Variants in LAMB1 observed in about 807,000 individuals in gnomAD.
LAMB1 encodes laminin subunit beta-1.
Under a neutral mutation model 222.3 loss-of-function variants are expected in LAMB1, and 121 were observed. The ratio of observed to expected loss-of-function variants is 0.54; its 90% CI spans 0.47 to 0.63. The LOEUF (loss-of-function observed/expected upper bound fraction) is 0.63, where lower values mean the gene tolerates loss of function less well. LAMB1 is among the 30% of genes least tolerant of loss of function. LAMB1 has a pLI of 0.00. For synonymous variants in LAMB1, 794 were observed against 807.2 expected, an observed-to-expected ratio of 0.98 and a Z score of 0.28; for missense variants, 2,172 against 2,240.8, an observed-to-expected ratio of 0.97 and a Z score of 0.62.
chr7:107,982,861 T>C (rs1156257070), intron 7 of LAMB1, among the ~76,000 whole-genome samples: 2 of 152,252 alleles, frequency 1.3e-5, no homozygotes, highest in Non-Finnish European at 2.9e-5. Context: ...CTAACATGCA[T>C]GCTTCCGTAA....
intron 31 of LAMB1, among the ~76,000 whole-genome samples, chr7:107,927,817 G>C (rs115190905): frequency 1.3e-3 from 201 of 152,316 alleles, no homozygotes; most frequent in African/African-American, 4.6e-3. Context: ...AAAATGGACA[G>C]AATTATTGGC....
Position 107,935,536 on chromosome 7 carries a change from A to G in LAMB1, c.4067T>C (p.Val1356Ala), listed in dbSNP as rs755210804. The change falls in exon 27 of 34, where the codon GTA becomes GCA. Residue 1356 changes from valine (V) to alanine (A), a missense_variant. Transcript: ENST00000222399. ...TTCTCGCTCCATCATCACGTCTTCTACTCTGTCTCTCATGAGGGCTGACTG... is the reference window on the plus strand; with the variant it reads ...TTCTCGCTCCATCATCACGTCTTCTGCTCTGTCTCTCATGAGGGCTGACTG... Reference protein sequence around the residue: ...VEQSALMRDRVEDVMMERESQ... With the variant: ...VEQSALMRDRAEDVMMERESQ... 8 of 1,613,064 alleles carry G rather than the reference A, an allele frequency of 5.0e-6. No individual in the cohort carries two copies. Among genetic ancestry groups the G allele is most frequent in the South Asian group, 1.1e-5 (1 of 91,036 alleles).
intron 24 of LAMB1, chr7:107,942,100 T>TTCTGCC (rs2033002621): frequency 6.6e-6 from 1 of 152,062 alleles, no homozygotes; most frequent in South Asian, 2.1e-4. Flanking sequence ...GTTCAAGCTA[T>TTCTGCC]TCTGCCTCTG....
chr7:108,002,676 G>T (rs2034414466), intron 2 of LAMB1, among the ~76,000 whole-genome samples, 173 bp downstream of exon 2: 1 of 152,210 alleles, frequency 6.6e-6, no homozygotes, highest in Non-Finnish European at 1.5e-5. Context: ...CGCGTGCGCT[G>T]TCTCCAGCCA....
chr7:107,972,376 G>C (rs1286576503), intron 13 of LAMB1, among the ~76,000 whole-genome samples: 2 of 152,148 alleles, frequency 1.3e-5, no homozygotes, highest in Non-Finnish European at 2.9e-5. Context: ...TACACTATCT[G>C]TTCCAGATGT....
chr7:107,957,386 A>G (rs1359746923), intron 20 of LAMB1, among the ~76,000 whole-genome samples: 1 of 152,094 alleles, frequency 6.6e-6, no homozygotes. Context: ...ATGAGACTCC[A>G]TCTCAAAACA....
At position 107,998,378 on chromosome 7, in the gene LAMB1, T is replaced by C; in HGVS notation, c.328A>G (p.Ile110Val). Residue 110 changes from isoleucine (I) to valine (V), a missense_variant, in exon 4 of 34, where the codon ATT becomes GTT. Transcript: ENST00000222399. ...VTTFAPNRLK[I>V]WWQSENGVEN... ...ATACCATTTTCAGATTGCCACCAAATCTTAAGGCGGTTTGGAGCAAATGTA... is the reference window on the plus strand; with the variant it reads ...ATACCATTTTCAGATTGCCACCAAACCTTAAGGCGGTTTGGAGCAAATGTA... 1.2e-6 allele frequency: 2 copies of C among 1,614,032 alleles called. No homozygotes were observed. The highest frequency in any genetic ancestry group is 1.7e-6 in the Non-Finnish European group (2 of 1,180,002).
At chr7:107,934,640 A>G (rs535919200) in intron 27 of LAMB1, among the ~76,000 whole-genome samples, 56 of 152,200 alleles carry the variant, frequency 3.7e-4, no homozygotes, top group Non-Finnish European at 6.5e-4. Flanking sequence ...ACTGGAACAA[A>G]GGAACATAAT....
intron 5 of LAMB1, among the ~76,000 whole-genome samples, chr7:107,988,339 G>A (rs2034118994): frequency 6.6e-6 from 1 of 152,120 alleles, no homozygotes; most frequent in Admixed American, 6.5e-5. Flanking sequence ...CAGACACTTG[G>A]AAAAAGTGGT....
At chr7:107,961,152 G>T in intron 17 of LAMB1, 54 bp downstream of exon 17, 1 of 1,610,100 alleles carries the variant, frequency 6.2e-7, no homozygotes, top group Admixed American at 1.7e-5. Context: ...GAGAGCAGCT[G>T]GGCACTTTCC....
At chr7:107,935,250 C>CAT (rs908178980) in intron 27 of LAMB1, 165 bp downstream of exon 27, 4 of 996,306 alleles carry the variant, frequency 4.0e-6, no homozygotes, top group Non-Finnish European at 5.8e-6. Context: ...ACAGATACCC[C>CAT]ATTCCAGGAT....
At chr7:107,981,081 G>A (rs2033963212) in intron 7 of LAMB1, among the ~76,000 whole-genome samples, 1 of 152,142 alleles carries the variant, frequency 6.6e-6, no homozygotes, top group Non-Finnish European at 1.5e-5. Flanking sequence ...GGAGGCCAAG[G>A]CAGGTGGATC....
At chr7:108,002,075 C>A in intron 2 of LAMB1, 6 of 1,469,408 alleles carry the variant, frequency 4.1e-6, no homozygotes, top group Non-Finnish European at 5.4e-6. Context: ...CCCTCCACTT[C>A]GACGTGTCCG....
At position 107,932,388 on chromosome 7, in the gene LAMB1, C is replaced by T; in HGVS notation, c.4189-11G>A. The T allele has an allele frequency of 1.2e-6, 2 of 1,613,920 alleles. No individual in the cohort carries two copies. Among genetic ancestry groups the T allele is most frequent in the Non-Finnish European group, 1.7e-6 (2 of 1,179,760 alleles). ...GGGTGTTCCACAGGTCTGCAACAAG[C>T]CAAGGATCAGGCACAATACTTCGGA... On this transcript the variant is annotated splice_polypyrimidine_tract_variant and intron_variant, in intron 27 of 33. Transcript: ENST00000222399.
chr7:108,001,927 G>T, intron 2 of LAMB1, 194 bp from the exon 3 acceptor site: 8 of 1,458,014 alleles, frequency 5.5e-6, no homozygotes, highest in Non-Finnish European at 7.3e-6. Flanking sequence ...GAAAGGAGAA[G>T]GACACGGAAA....
At chr7:107,970,253 G>A (rs1017163776) in intron 13 of LAMB1, among the ~76,000 whole-genome samples, 1 of 152,140 alleles carries the variant, frequency 6.6e-6, no homozygotes, top group Non-Finnish European at 1.5e-5. Context: ...TTGGGAGCCT[G>A]AGGCAGACAG....
chr7:107,988,992 A>G (rs1253799843), intron 5 of LAMB1, among the ~76,000 whole-genome samples: 1 of 152,224 alleles, frequency 6.6e-6, no homozygotes, highest in East Asian at 1.9e-4. Context: ...ACAAATGAGA[A>G]AATTGAGGCT....
intron 22 of LAMB1, 57 bp from the exon 23 acceptor site, chr7:107,952,280 G>A: frequency 7.6e-7 from 1 of 1,307,910 alleles, no homozygotes; most frequent in Non-Finnish European, 1.1e-6. Flanking sequence ...CAGGCATGCG[G>A]ATGTTAGCCA....
At chr7:107,961,493 A>C in intron 16 of LAMB1, 56 bp downstream of exon 16, 1 of 1,591,350 alleles carries the variant, frequency 6.3e-7, no homozygotes, top group Non-Finnish European at 8.6e-7. Context: ...AAATATTAGA[A>C]AAATACTAAT....
Sources: allele counts gnomAD v4.1 joint callset (sites outside exome capture counted in the v4.1 genomes callset), GRCh38; gene constraint gnomAD v4.1.1; transcripts MANE v1.5; gene names NCBI Gene and HGNC (gene_info 2026-07-23, HGNC 2026-07-21).